The following MEI4 variants were observed in gnomAD, a reference collection of about 807,000 sequenced individuals.
MEI4 encodes the protein meiosis-specific protein MEI4.
A neutral mutation model predicts 31.4 loss-of-function variants in MEI4; 27 were observed. The ratio of observed to expected loss-of-function variants is 0.86; its 90% confidence interval spans 0.63 to 1.19. MEI4 has a LOEUF of 1.19. Ranked by LOEUF, MEI4 falls within the 50% of genes most tolerant of loss-of-function variation. MEI4 has a pLI of 0.00. For synonymous variants in MEI4, 122 were observed against 145.4 expected, an observed-to-expected ratio of 0.84 and a Z score of 1.16; for missense variants, 329 against 398.9, an observed-to-expected ratio of 0.82 and a Z score of 1.49.
At chr6:77,875,204 T>G (rs1272246568) in intron 4 of MEI4, among the ~76,000 whole-genome samples, 2 of 152,218 alleles carry the variant, frequency 1.3e-5, no homozygotes, top group East Asian at 3.8e-4. Flanking sequence ...CTATTTGTTT[T>G]CTTCATTTTA....
At chr6:77,742,818 C>T (rs1357301499) in intron 2 of MEI4, among the ~76,000 whole-genome samples, 1 of 151,942 alleles carries the variant, frequency 6.6e-6, no homozygotes, top group African/African-American at 2.4e-5. Context: ...GGAAGGGATC[C>T]AGTTTCAGCT....
chr6:77,883,419 T>C (rs13219167), intron 4 of MEI4, among the ~76,000 whole-genome samples: 6 of 151,968 alleles, frequency 3.9e-5, no homozygotes, highest in African/African-American at 1.4e-4. Flanking sequence ...CATGTAAACA[T>C]TAATGAACCT....
rs1406155386 is a variant in MEI4, at chr6:77,926,969, G to T, written c.*3623G>T. The T allele has an allele frequency of 1.3e-5, 2 of 151,742 alleles. No individual in the cohort carries two copies. Among genetic ancestry groups the T allele is most frequent in the Non-Finnish European group, 2.9e-5 (2 of 67,874 alleles). The allele number at this position is 151,742 out of a possible 1,614,324, so 9.4% of individuals were successfully genotyped here. On this transcript the variant is annotated 3_prime_UTR_variant, in exon 5 of 5. Coordinates refer to ENST00000684080, the MANE Select transcript of MEI4 (RefSeq NM_001322247.2). ...ATTTATCTGGTTAATAAATATACTG[G>T]TCTTGTAAGAACTTTCTAAATATTA...
intron 2 of MEI4, among the ~76,000 whole-genome samples, chr6:77,741,505 A>T (rs1767399649): frequency 6.6e-6 from 1 of 152,160 alleles, no homozygotes; most frequent in Non-Finnish European, 1.5e-5. Flanking sequence ...AGTGGAAGGG[A>T]CTAGGGAAGG....
intron 1 of MEI4, among the ~76,000 whole-genome samples, chr6:77,665,819 G>A (rs1026311476): frequency 2.0e-4 from 30 of 152,136 alleles, no homozygotes; most frequent in African/African-American, 7.0e-4. Context: ...CAGTGAGAGA[G>A]GTTGGAGGAG....
chr6:77,736,172 C>A (rs78331580), intron 2 of MEI4, among the ~76,000 whole-genome samples: 1 of 152,232 alleles, frequency 6.6e-6, no homozygotes, highest in East Asian at 1.9e-4. Context: ...CGGGTTCGAG[C>A]TTCCAGGCTG....
chr6:77,783,394 G>A (rs140873015), intron 3 of MEI4, among the ~76,000 whole-genome samples: 219 of 152,204 alleles, frequency 1.4e-3, no homozygotes, highest in African/African-American at 4.8e-3. Context: ...TTATTTCCAT[G>A]GATCTTAATA....
chr6:77,745,425 C>T (rs1013615165), intron 2 of MEI4, among the ~76,000 whole-genome samples: 7 of 152,264 alleles, frequency 4.6e-5, no homozygotes, highest in Admixed American at 2.6e-4. Context: ...GCTAACTATC[C>T]TAAATATATA....
intron 4 of MEI4, among the ~76,000 whole-genome samples, chr6:77,884,380 A>G (rs1771571925): frequency 6.6e-6 from 1 of 152,076 alleles, no homozygotes; most frequent in Non-Finnish European, 1.5e-5. Context: ...TGTGTCTATT[A>G]TTGTTTTTGT....
At chr6:77,677,055 G>C (rs545971306) in intron 1 of MEI4, among the ~76,000 whole-genome samples, 123 of 152,248 alleles carry the variant, frequency 8.1e-4, no homozygotes, top group Non-Finnish European at 1.6e-3. Flanking sequence ...AATTATGTGG[G>C]CTTATGGTTA....
At chr6:77,681,128 T>G (rs1182481595) in intron 1 of MEI4, among the ~76,000 whole-genome samples, 1 of 152,204 alleles carries the variant, frequency 6.6e-6, no homozygotes, top group Non-Finnish European at 1.5e-5. Context: ...CAGCTGGTCC[T>G]GAAAAGCCTG....
chr6:77,898,435 CAT>C (rs1766127207), intron 4 of MEI4, among the ~76,000 whole-genome samples: 1 of 151,976 alleles, frequency 6.6e-6, no homozygotes, highest in Admixed American at 6.6e-5. Flanking sequence ...AAATCTGGCA[CAT>C]AGGAAACTGA....
At chr6:77,921,836 A>G (rs1766710480) in intron 4 of MEI4, among the ~76,000 whole-genome samples, 1 of 151,784 alleles carries the variant, frequency 6.6e-6, no homozygotes, top group African/African-American at 2.4e-5. Context: ...TAAGTTCACC[A>G]TCTGATATGG....
At chr6:77,802,141 A>C (rs983851863) in intron 3 of MEI4, among the ~76,000 whole-genome samples, 1 of 152,128 alleles carries the variant, frequency 6.6e-6, no homozygotes, top group African/African-American at 2.4e-5. Flanking sequence ...GTGCTTTATG[A>C]ATCTGGGTGC....
intron 4 of MEI4, among the ~76,000 whole-genome samples, chr6:77,839,250 T>C (rs968250383): frequency 2.6e-5 from 4 of 152,150 alleles, no homozygotes; most frequent in Non-Finnish European, 1.5e-5. Flanking sequence ...TATGTAACTA[T>C]GTACAAATAG....
intron 4 of MEI4, among the ~76,000 whole-genome samples, chr6:77,922,129 A>G (rs1766717618): frequency 6.6e-6 from 1 of 151,702 alleles, no homozygotes; most frequent in Admixed American, 6.6e-5. Flanking sequence ...TACTCTGCTT[A>G]TTGGGTCACC....
intron 1 of MEI4, among the ~76,000 whole-genome samples, chr6:77,686,519 G>A (rs1317602970): frequency 4.0e-5 from 6 of 150,634 alleles, no homozygotes; most frequent in Non-Finnish European, 8.9e-5. Context: ...ACTGTTTTAT[G>A]TTTTACTGTA....
chr6:77,791,885 A>G (rs1407972859), intron 3 of MEI4, among the ~76,000 whole-genome samples: 1 of 152,122 alleles, frequency 6.6e-6, no homozygotes, highest in Non-Finnish European at 1.5e-5. Flanking sequence ...TACTTCTCCT[A>G]TCTAACTGAA....
intron 4 of MEI4, among the ~76,000 whole-genome samples, chr6:77,917,634 T>A (rs1766593393): frequency 1.7e-5 from 1 of 57,364 alleles, no homozygotes; most frequent in Admixed American, 2.0e-4. Flanking sequence ...TTCTTGTAAA[T>A]TTGTTTGAGT....
Sources: allele counts gnomAD v4.1 joint callset (sites outside exome capture counted in the v4.1 genomes callset), GRCh38; gene constraint gnomAD v4.1.1; transcripts MANE v1.5; gene names NCBI Gene and HGNC (gene_info 2026-07-23, HGNC 2026-07-21).